The following FAM135B variants were observed in gnomAD, a reference collection of about 807,000 sequenced individuals.
FAM135B encodes the protein protein FAM135B.
FAM135B carries 43 observed loss-of-function variants against 127.7 expected under a neutral mutation model. That is an observed-to-expected ratio of 0.34 (90% CI 0.26 to 0.43). The LOEUF is 0.43. FAM135B is among the 20% of genes least tolerant of loss of function. The pLI, the probability that FAM135B is intolerant of heterozygous loss-of-function variation, is 1.00. For synonymous variants in FAM135B, 670 were observed against 665.1 expected, an observed-to-expected ratio of 1.01 and a Z score of -0.11; for missense variants, 1,558 against 1,725.6, an observed-to-expected ratio of 0.90 and a Z score of 1.72.
intron 1 of FAM135B, among the ~76,000 whole-genome samples, chr8:138,392,998 G>A (rs2131334220): frequency 6.6e-6 from 1 of 152,296 alleles, no homozygotes; most frequent in East Asian, 1.9e-4. Context: ...AGTTCTGCAT[G>A]GCTGGGGAAG....
At position 138,385,295 on chromosome 8, in the gene FAM135B, C is replaced by T. The variant is rs114762231; in HGVS notation, c.-19-17293G>A. On this transcript the variant is annotated intron_variant, in intron 1 of 19. Coordinates refer to ENST00000395297, the MANE Select transcript of FAM135B (RefSeq NM_015912.4). ...GATAGTTGGGGTATCAACCACTCCA[C>T]GGAATTATCTACTTGATTTTCATGT... is the stretch of plus-strand genomic sequence containing the variant. Among the ~76,000 whole-genome samples the T allele has an allele frequency of 9.1e-3, 1,388 of 152,232 alleles. 19 individuals carry two copies. The highest frequency in any genetic ancestry group is 0.031 in the African/African-American group (1,305 of 41,526).
At chr8:138,189,342 T>C (rs1815894814) in intron 9 of FAM135B, among the ~76,000 whole-genome samples, 1 of 152,310 alleles carries the variant, frequency 6.6e-6, no homozygotes, top group South Asian at 2.1e-4. Flanking sequence ...TTCACCACTC[T>C]TCAATTCATT....
At chr8:138,200,568 A>T (rs1817033026) in intron 7 of FAM135B, among the ~76,000 whole-genome samples, 5 of 152,228 alleles carry the variant, frequency 3.3e-5, no homozygotes, top group Admixed American at 3.3e-4. Context: ...GAATATAAAT[A>T]CGGTGAAACA....
intron 1 of FAM135B, among the ~76,000 whole-genome samples, chr8:138,487,232 T>C (rs962535313): frequency 2.6e-5 from 4 of 152,140 alleles, no homozygotes; most frequent in Non-Finnish European, 4.4e-5. Context: ...CTTTGTGAAG[T>C]CCATGCAGGG....
At chr8:138,339,780 C>T (rs2131050209) in intron 2 of FAM135B, among the ~76,000 whole-genome samples, 1 of 152,302 alleles carries the variant, frequency 6.6e-6, no homozygotes, top group African/African-American at 2.4e-5. Flanking sequence ...CTCACATCCC[C>T]AACCCAGCCC....
chr8:138,494,618 T>C (rs1307444998), intron 1 of FAM135B, among the ~76,000 whole-genome samples: 1 of 152,216 alleles, frequency 6.6e-6, no homozygotes, highest in Non-Finnish European at 1.5e-5. Context: ...GAGAATAGTA[T>C]AAGACAGTCT....
chr8:138,315,152 C>A (rs1826985522), intron 2 of FAM135B, among the ~76,000 whole-genome samples: 1 of 151,910 alleles, frequency 6.6e-6, no homozygotes, highest in African/African-American at 2.4e-5. Flanking sequence ...TTTAAAAGGA[C>A]AAAGGACCTG....
intron 14 of FAM135B, among the ~76,000 whole-genome samples, chr8:138,147,656 G>A (rs563598572): frequency 6.6e-6 from 1 of 152,246 alleles, no homozygotes; most frequent in Admixed American, 6.5e-5. Context: ...CTTGGTATCG[G>A]TTGTGGTTTT....
intron 10 of FAM135B, 95 bp from the exon 11 acceptor site, chr8:138,177,515 A>G (rs1814588817): frequency 9.0e-7 from 1 of 1,113,010 alleles, no homozygotes; most frequent in Non-Finnish European, 1.3e-6. Flanking sequence ...GATGAATGAT[A>G]TTTCCTAATA....
intron 12 of FAM135B, among the ~76,000 whole-genome samples, chr8:138,159,833 G>T (rs1819182751): frequency 6.6e-6 from 1 of 152,128 alleles, no homozygotes; most frequent in African/African-American, 2.4e-5. Flanking sequence ...TTTCTCAAAT[G>T]ATAAAGAGTG....
At chr8:138,167,478 G>A (rs931507091) in intron 12 of FAM135B, among the ~76,000 whole-genome samples, 2 of 152,164 alleles carry the variant, frequency 1.3e-5, no homozygotes, top group African/African-American at 4.8e-5. Context: ...TTACAGGCGC[G>A]AGCCACGGCG....
chr8:138,436,210 G>A (rs576124679), intron 1 of FAM135B, among the ~76,000 whole-genome samples: 3 of 152,170 alleles, frequency 2.0e-5, no homozygotes, highest in Non-Finnish European at 2.9e-5. Context: ...ATGCTAAAAC[G>A]ATGAGAGAAC....
intron 1 of FAM135B, among the ~76,000 whole-genome samples, chr8:138,389,412 T>C (rs1036472255): frequency 1.3e-5 from 2 of 152,190 alleles, no homozygotes; most frequent in African/African-American, 4.8e-5. Context: ...ATGAAGGAAA[T>C]GGCCATCAAC....
At chr8:138,158,947 C>T (rs540860306) in intron 12 of FAM135B, among the ~76,000 whole-genome samples, 10 of 152,262 alleles carry the variant, frequency 6.6e-5, no homozygotes, top group African/African-American at 2.4e-4. Flanking sequence ...ACTGGATATA[C>T]ACCCAAAGGA....
At chr8:138,218,345 C>T (rs1818732437) in intron 7 of FAM135B, among the ~76,000 whole-genome samples, 1 of 152,178 alleles carries the variant, frequency 6.6e-6, no homozygotes, top group African/African-American at 2.4e-5. Flanking sequence ...TCACTCTACA[C>T]ATTAATCATG....
chr8:138,419,866 T>A lies in FAM135B; in HGVS notation c.-19-51864A>T, dbSNP rs201670356. Among the ~76,000 whole-genome samples, 3 of 152,112 alleles carry A rather than the reference T, an allele frequency of 2.0e-5. No individual in the cohort carries two copies. In the East Asian group the frequency reaches 5.8e-4, roughly 29 times the overall value. ...TAAAGCAGTGTTAGAAAGTTAATAG[T>A]GCTAAACACCTACATCAAGTTACAG... On this transcript the variant is annotated intron_variant, in intron 1 of 19. Transcript: ENST00000395297.
In FAM135B at chr8:138,243,358, G is replaced by A. The variant is rs1821004615; in HGVS notation, c.543-290C>T. 6.6e-6 allele frequency among the ~76,000 whole-genome samples: 1 copy of A among 152,168 alleles called. No individual in the cohort carries two copies. The highest frequency in any genetic ancestry group is 2.1e-4 in the South Asian group (1 of 4,824). ...TACCTGTAAGAAACACTGAAGCAGA[G>A]CTCCAAGCTTATATCACTAGAGGGG... is the stretch of plus-strand genomic sequence containing the variant. On this transcript the variant is annotated intron_variant, in intron 6 of 19. Transcript: ENST00000395297. This position sits in a 1 kb window ranked among gnomAD's most constrained non-coding sequence, Gnocchi z 7.5.
At chr8:138,245,636 T>A (rs1445520343) in intron 6 of FAM135B, among the ~76,000 whole-genome samples, 1 of 152,178 alleles carries the variant, frequency 6.6e-6, no homozygotes, top group African/African-American at 2.4e-5. Context: ...AATTACCCAA[T>A]CTTGGGTATT....
chr8:138,172,490 C>CTTTAGAGAGCCACTGG (rs1389567402), intron 11 of FAM135B, among the ~76,000 whole-genome samples: 2 of 152,250 alleles, frequency 1.3e-5, no homozygotes, highest in African/African-American at 2.4e-5. Context: ...TAACACCCTA[C>CTTTAGAGAGCCACTGG]TTTAGAGAGC....
Sources: gnomAD v4.1 joint callset for allele counts (sites outside exome capture counted in the v4.1 genomes callset) on GRCh38, gnomAD v4.1.1 for gene constraint, Gnocchi (gnomAD v3.1) non-coding constraint, MANE v1.5 for transcripts, NCBI Gene and HGNC (gene_info 2026-07-23, HGNC 2026-07-21) for gene names.